The following VEGFD variants were observed in gnomAD, a reference collection of about 807,000 sequenced individuals.
VEGFD encodes vascular endothelial growth factor D, also known as c-fos induced growth factor (vascular endothelial growth factor D).
Under a neutral mutation model 28.0 loss-of-function variants are expected in VEGFD, and 26 were observed. The observed-to-expected ratio is 0.93, with a 90% confidence interval of 0.68 to 1.29. VEGFD has a LOEUF of 1.29. Ranked by LOEUF, VEGFD falls within the 50% of genes most tolerant of loss-of-function variation. The pLI is 0.00. For synonymous variants in VEGFD, 93 were observed against 95.5 expected (o/e 0.97, Z 0.15); for missense variants, 294 against 273.4 (o/e 1.08, Z -0.53).
At chrX:15,347,956 T>C (rs1476769209) in intron 5 of VEGFD, among the ~76,000 whole-genome samples, 1 of 112,363 alleles carries the variant, frequency 8.9e-6, no homozygotes, top group Non-Finnish European at 1.9e-5. Flanking sequence ...ATCTGACAAA[T>C]ATTTCTTCTA....
chrX:15,369,857 G>A (rs1205387954), intron 1 of VEGFD, among the ~76,000 whole-genome samples: 2 of 111,940 alleles, frequency 1.8e-5, no homozygotes, highest in Admixed American at 9.5e-5. Flanking sequence ...AGGAAGGACT[G>A]GAGGCATGAA....
In VEGFD at chrX:15,384,134, C is replaced by A; in HGVS notation, c.-188G>T. On this transcript the variant is annotated 5_prime_UTR_variant, in exon 1 of 7. Transcript: ENST00000297904. ...TTAGGCAAGGTACGCTTTTTTTGCA[C>A]AATCTTAGGGGTGGGGAGAGAGAGA... The A allele has an allele frequency of 2.6e-6, 1 of 388,770 alleles. No individual in the cohort carries two copies. Among genetic ancestry groups the A allele is most frequent in the East Asian group, 4.2e-5 (1 of 23,643 alleles). The allele number at this position is 388,770 out of a possible 1,213,427, so 32.0% of individuals were successfully genotyped here. A position where few individuals can be genotyped will look rare whatever the true frequency, so the allele number is the denominator to read the frequency against.
At chrX:15,383,776 CA>C (rs1923646215) in intron 1 of VEGFD, 80 bp downstream of exon 1, 2 of 726,713 alleles carry the variant, frequency 2.8e-6, no homozygotes, top group East Asian at 6.4e-5. Context: ...TATATTGTTT[CA>C]AAAATAGTGA....
At chrX:15,355,402 T>C (rs1246501841) in intron 3 of VEGFD, 104 bp from the exon 4 acceptor site, 1 of 617,471 alleles carries the variant, frequency 1.6e-6, no homozygotes, top group Non-Finnish European at 2.3e-6. Context: ...CGGCAATGAC[T>C]TTAGCCAAGT....
chrX:15,363,329 A>G lies in VEGFD; in HGVS notation c.91-10T>C. ...TGGACTGAGATGATCGCTTAAAAAA[A>G]CAAAAATACCAGTTTAAAAACAAGT... On this transcript the variant is annotated splice_polypyrimidine_tract_variant and intron_variant, in intron 1 of 6. Transcript: ENST00000297904. 1 of 1,179,234 alleles carries G rather than the reference A, an allele frequency of 8.5e-7. No individual in the cohort carries two copies.
At position 15,346,102 on chromosome X, in the gene VEGFD, A is replaced by T. The variant is rs1413802558; in HGVS notation, c.*31T>A. On this transcript the variant is annotated 3_prime_UTR_variant, in exon 7 of 7. Coordinates refer to ENST00000297904, the MANE Select transcript of VEGFD (RefSeq NM_004469.5). ...TTGGCAAAGCAGCATGCTGTTAAAA[A>T]TGACAGGGATGGGGAACTTGGAACG... is the stretch of plus-strand genomic sequence containing the variant. 8.4e-7 allele frequency: 1 copy of T among 1,196,550 alleles called. No homozygotes were observed. Among genetic ancestry groups the T allele is most frequent in the Non-Finnish European group, 1.1e-6 (1 of 889,422 alleles).
At chrX:15,365,873 TTG>T (rs1923132814) in intron 1 of VEGFD, among the ~76,000 whole-genome samples, 1 of 112,218 alleles carries the variant, frequency 8.9e-6, no homozygotes, top group East Asian at 2.8e-4. Flanking sequence ...TCTCCAATTG[TTG>T]TGAGTCTAGA....
At position 15,384,087 on chromosome X, in the gene VEGFD, A is replaced by G; in HGVS notation, c.-141T>C. The G allele has an allele frequency of 2.3e-6, 1 of 431,952 alleles. No homozygotes were observed. Among genetic ancestry groups the G allele is most frequent in the Non-Finnish European group, 4.1e-6 (1 of 245,090 alleles). The allele number at this position is 431,952 out of a possible 1,213,427, so 35.6% of individuals were successfully genotyped here. On this transcript the variant is annotated 5_prime_UTR_variant, in exon 1 of 7. Coordinates refer to ENST00000297904, the MANE Select transcript of VEGFD (RefSeq NM_004469.5). ...AAAACCAAATAATCAGTTCTGATCA[A>G]AATCCAATGAAATTATTTCAATTAG... is the stretch of plus-strand genomic sequence containing the variant.
chrX:15,382,714 T>C (rs1296901502), intron 1 of VEGFD, among the ~76,000 whole-genome samples: 1 of 111,083 alleles, frequency 9.0e-6, no homozygotes, highest in Non-Finnish European at 1.9e-5. Flanking sequence ...ACACTGTGAT[T>C]TCTCCCATGT....
At chrX:15,348,472 C>A (rs370668809) in intron 5 of VEGFD, among the ~76,000 whole-genome samples, 1 of 112,438 alleles carries the variant, frequency 8.9e-6, no homozygotes, top group African/African-American at 3.2e-5. Flanking sequence ...ACCAATTTTC[C>A]CACCAGGACA....
chrX:15,346,969 GATTTTCTT>G (rs1393099010), intron 6 of VEGFD, among the ~76,000 whole-genome samples, 187 bp downstream of exon 6: 2 of 111,095 alleles, frequency 1.8e-5, no homozygotes, highest in Non-Finnish European at 1.9e-5. Context: ...AGGCAGGATT[GATTTTCTT>G]ATTTTCATGA....
intron 1 of VEGFD, among the ~76,000 whole-genome samples, chrX:15,372,488 A>G (rs762890460): frequency 5.4e-5 from 6 of 111,459 alleles, no homozygotes; most frequent in South Asian, 3.7e-4. Context: ...CTTCTTCTTG[A>G]ATCTACCTGG....
chrX:15,381,223 G>A (rs1028669367), intron 1 of VEGFD, among the ~76,000 whole-genome samples: 1 of 111,026 alleles, frequency 9.0e-6, no homozygotes, highest in South Asian at 3.8e-4. Flanking sequence ...AAGCACAATC[G>A]TCCAGAGCAC....
chrX:15,348,114 C>T (rs1489495089), intron 5 of VEGFD, among the ~76,000 whole-genome samples: 2 of 112,176 alleles, frequency 1.8e-5, no homozygotes, highest in African/African-American at 3.2e-5. Flanking sequence ...TTTGGAGGGA[C>T]GTACATGTTT....
rs759239709 is a variant in VEGFD, at chrX:15,353,121, C to T, written c.689G>A (p.Ser230Asn). ...KLCPIDMLWD[S>N]NKCKCVLQEE... Reference sequence around the variant, plus strand: ...CTGCAAAACACATTTACATTTGTTGCTATCCCATAGCATGTCAATAGGACA... The same window carrying T: ...CTGCAAAACACATTTACATTTGTTGTTATCCCATAGCATGTCAATAGGACA... The change falls in exon 5 of 7, where the codon AGC becomes AAC. Residue 230 changes from serine to asparagine, a missense_variant. Transcript: ENST00000297904. 8.4e-7 allele frequency: 1 copy of T among 1,188,481 alleles called. No homozygotes were observed. The highest frequency in any genetic ancestry group is 3.1e-5 in the East Asian group (1 of 32,535).
intron 1 of VEGFD, among the ~76,000 whole-genome samples, chrX:15,377,483 TCAATA>T (rs1288681432): frequency 8.9e-6 from 1 of 112,348 alleles, no homozygotes; most frequent in Non-Finnish European, 1.9e-5. Context: ...CCAAGTTGTC[TCAATA>T]CAATTCATTT....
At chrX:15,350,843 T>TTTTCTTTC (rs1922686115) in intron 5 of VEGFD, among the ~76,000 whole-genome samples, 1 of 92,915 alleles carries the variant, frequency 1.1e-5, no homozygotes, top group Non-Finnish European at 2.1e-5. Flanking sequence ...TCTTTTCTTT[T>TTTTCTTTC]TCTCTTTCTC....
At chrX:15,348,700 G>A (rs1415107924) in intron 5 of VEGFD, among the ~76,000 whole-genome samples, 2 of 112,406 alleles carry the variant, frequency 1.8e-5, no homozygotes, top group African/African-American at 3.2e-5. Flanking sequence ...TTAGCTAAGT[G>A]TCCTTATCCT....
chrX:15,355,386 C>A, intron 3 of VEGFD, 88 bp from the exon 4 acceptor site: 1 of 776,293 alleles, frequency 1.3e-6, no homozygotes, highest in South Asian at 3.6e-5. Flanking sequence ...TTGCCTTTGT[C>A]ATTTACGGCA....
Sources: allele counts gnomAD v4.1 joint callset (sites outside exome capture counted in the v4.1 genomes callset), GRCh38; gene constraint gnomAD v4.1.1; transcripts MANE v1.5; gene names NCBI Gene and HGNC (gene_info 2026-07-23, HGNC 2026-07-21).